Variants in ANO6 observed in about 807,000 individuals in gnomAD.
ANO6 encodes the protein anoctamin 6, also known as anoctamin-6.
ANO6 carries 106 observed loss-of-function variants against 117.5 expected under a neutral mutation model. The ratio of observed to expected loss-of-function variants is 0.90; its 90% CI spans 0.77 to 1.06. ANO6 has a LOEUF of 1.06. Among genes scored for constraint, ANO6 ranks in the 50% least tolerant of loss-of-function variants. The probability of loss-of-function intolerance (pLI) is 0.00; values close to 1 mark genes in which losing one functional copy is unlikely to be tolerated. For synonymous variants in ANO6, 367 were observed against 385.1 expected (o/e 0.95, Z 0.55); for missense variants, 955 against 1,121.1 (o/e 0.85, Z 2.12).
chr12:45,429,555 T>C lies in ANO6; in HGVS notation c.*244T>C, dbSNP rs753873427. The C allele has an allele frequency of 6.2e-5, 80 of 1,296,246 alleles. No individual in the cohort carries two copies. The highest frequency in any genetic ancestry group is 7.2e-5 in the Admixed American group (2 of 27,836). The allele number at this position is 1,296,246 out of a possible 1,614,324, so 80.3% of individuals were successfully genotyped here. ...CTCAATGTTACCTTTTTCTGATAAA[T>C]TGGAATTTTACAGAAAAAGTCCCTC... On this transcript the variant is annotated 3_prime_UTR_variant, in exon 20 of 20. Transcript: ENST00000320560.
In ANO6 at chr12:45,228,230, A is replaced by AG. The variant is rs199752928; in HGVS notation, c.70+11839_70+11840insG. 2,498 of 440,746 alleles carry AG rather than the reference A, an allele frequency of 5.7e-3. 67 individuals carry two copies. The highest frequency in any genetic ancestry group is 0.048 in the African/African-American group (2,264 of 46,934). The allele number at this position is 440,746 out of a possible 1,614,324, so 27.3% of individuals were successfully genotyped here. A position where few individuals can be genotyped will look rare whatever the true frequency, so the allele number is the denominator to read the frequency against. On this transcript the variant is annotated intron_variant, in intron 1 of 19. Coordinates refer to ENST00000320560, the MANE Select transcript of ANO6 (RefSeq NM_001025356.3). ...CACTGTAGCATTGACTCCCAGACTCAATTGATCCTCTTACCTCAACCTCCT... is the reference window on the plus strand; with the variant it reads ...CACTGTAGCATTGACTCCCAGACTCAGATTGATCCTCTTACCTCAACCTCCT...
At chr12:45,230,135 T>C (rs191815511) in intron 1 of ANO6, among the ~76,000 whole-genome samples, 1 of 152,310 alleles carries the variant, frequency 6.6e-6, no homozygotes. Flanking sequence ...ATACAGCTCA[T>C]TGTCACTTTT....
At chr12:45,274,891 T>G (rs901793293) in intron 1 of ANO6, among the ~76,000 whole-genome samples, 2 of 149,660 alleles carry the variant, frequency 1.3e-5, no homozygotes, top group East Asian at 3.9e-4. Context: ...GAATGTCACC[T>G]ACTCAGAGCT....
intron 1 of ANO6, among the ~76,000 whole-genome samples, chr12:45,273,535 T>C (rs1240594117): frequency 6.6e-6 from 1 of 152,234 alleles, no homozygotes; most frequent in Non-Finnish European, 1.5e-5. Context: ...GGCAAGTCAC[T>C]TAACCTCTTT....
At chr12:45,320,760 T>C (rs1027207215) in intron 2 of ANO6, among the ~76,000 whole-genome samples, 2 of 152,188 alleles carry the variant, frequency 1.3e-5, no homozygotes, top group African/African-American at 2.4e-5. Flanking sequence ...TCTAAGTCTC[T>C]TTGTAGGTCT....
At chr12:45,221,502 G>A (rs1947398485) in intron 1 of ANO6, among the ~76,000 whole-genome samples, 1 of 152,122 alleles carries the variant, frequency 6.6e-6, no homozygotes, top group Non-Finnish European at 1.5e-5. Flanking sequence ...TACACTTTAA[G>A]GATTTTGGGT....
intron 1 of ANO6, among the ~76,000 whole-genome samples, chr12:45,299,592 T>C (rs1939412451): frequency 6.6e-6 from 1 of 152,078 alleles, no homozygotes; most frequent in Non-Finnish European, 1.5e-5. Flanking sequence ...GTGACTCACA[T>C]CTGTAATCCC....
chr12:45,280,827 A>G (rs1938701427), intron 1 of ANO6, among the ~76,000 whole-genome samples: 1 of 152,158 alleles, frequency 6.6e-6, no homozygotes, highest in Non-Finnish European at 1.5e-5. Context: ...CCAAAAATGC[A>G]TATACATTGT....
chr12:45,289,236 A>T (rs935261325), intron 1 of ANO6, among the ~76,000 whole-genome samples: 21 of 145,958 alleles, frequency 1.4e-4, no homozygotes, highest in African/African-American at 5.3e-4. Context: ...GTGCAATCTC[A>T]GCTCACTGCA....
At chr12:45,406,006 T>G (rs897023940) in intron 15 of ANO6, among the ~76,000 whole-genome samples, 1 of 152,248 alleles carries the variant, frequency 6.6e-6, no homozygotes, top group Non-Finnish European at 1.5e-5. Flanking sequence ...AGCAGTTGTT[T>G]TCACATCGTG....
At chr12:45,334,900 C>T (rs926812383) in intron 3 of ANO6, among the ~76,000 whole-genome samples, 2 of 151,954 alleles carry the variant, frequency 1.3e-5, no homozygotes, top group South Asian at 2.1e-4. Flanking sequence ...TGCTAACAAT[C>T]GGCAGAACTG....
chr12:45,365,504 T>C (rs1385124131), intron 8 of ANO6, among the ~76,000 whole-genome samples: 1 of 152,214 alleles, frequency 6.6e-6, no homozygotes, highest in African/African-American at 2.4e-5. Flanking sequence ...GTATGAGCTC[T>C]GAGTATGAGG....
At chr12:45,379,588 A>C (rs1292187917) in intron 10 of ANO6, among the ~76,000 whole-genome samples, 1 of 152,244 alleles carries the variant, frequency 6.6e-6, no homozygotes, top group Non-Finnish European at 1.5e-5. Flanking sequence ...TTAACTATTA[A>C]CCGTACTCTC....
At chr12:45,398,285 A>G (rs922275848) in intron 12 of ANO6, among the ~76,000 whole-genome samples, 3 of 152,212 alleles carry the variant, frequency 2.0e-5, no homozygotes, top group African/African-American at 7.2e-5. Flanking sequence ...ACCAATAACC[A>G]TTACAAAATG....
At chr12:45,404,072 A>C (rs1942870685) in intron 15 of ANO6, among the ~76,000 whole-genome samples, 1 of 152,196 alleles carries the variant, frequency 6.6e-6, no homozygotes, top group Admixed American at 6.5e-5. Context: ...CCAGTTTCAC[A>C]TTAGCATTAA....
chr12:45,269,492 G>A (rs1357609185), intron 1 of ANO6, among the ~76,000 whole-genome samples: 1 of 152,200 alleles, frequency 6.6e-6, no homozygotes, highest in Non-Finnish European at 1.5e-5. Context: ...ATGGGCTTTG[G>A]TGCAGGAAAA....
intron 9 of ANO6, among the ~76,000 whole-genome samples, chr12:45,373,819 AAC>A (rs1953594698): frequency 6.6e-6 from 1 of 152,168 alleles, no homozygotes. Flanking sequence ...AGCAAGAGCA[AAC>A]ACATTCAAAA....
intron 7 of ANO6, among the ~76,000 whole-genome samples, chr12:45,352,221 T>C (rs1454410733): frequency 6.6e-6 from 1 of 152,102 alleles, no homozygotes; most frequent in East Asian, 1.9e-4. Flanking sequence ...TTTAAATATA[T>C]ACAGAAATAG....
chr12:45,317,948 T>C (rs554998577), intron 2 of ANO6, among the ~76,000 whole-genome samples: 16 of 152,346 alleles, frequency 1.1e-4, no homozygotes, highest in South Asian at 2.1e-4. Context: ...TCATATCCTT[T>C]GCCCACTTTT....
Sources: gnomAD v4.1 joint callset for allele counts (sites outside exome capture counted in the v4.1 genomes callset) on GRCh38, gnomAD v4.1.1 for gene constraint, MANE v1.5 for transcripts, NCBI Gene and HGNC (gene_info 2026-07-23, HGNC 2026-07-21) for gene names.